Variants in PTPN21 observed in about 807,000 individuals in gnomAD.
PTPN21 encodes tyrosine-protein phosphatase non-receptor type 21.
A neutral mutation model predicts 131.8 loss-of-function variants in PTPN21; 77 were observed. The observed-to-expected ratio is 0.58, with a 90% CI of 0.49 to 0.71. PTPN21 has a LOEUF of 0.71. PTPN21 is among the 30% of genes least tolerant of loss of function. The pLI is 0.00. For synonymous variants in PTPN21, 715 were observed against 621.3 expected (o/e 1.15, Z -2.24); for missense variants, 1,552 against 1,527.1 (o/e 1.02, Z -0.27).
chr14:88,478,906 G>A lies in PTPN21; in HGVS notation c.2511+14C>T, dbSNP rs373291976. On this transcript the variant is annotated intron_variant, in intron 13 of 18. Coordinates refer to ENST00000556564, the MANE Select transcript of PTPN21 (RefSeq NM_007039.4). Reference sequence around the variant, plus strand: ...GCGGTCCCCTGGCCCGGCACTGCTCGCCGCGTGGCTTACCCCTAGAGGCGG... The same window carrying A: ...GCGGTCCCCTGGCCCGGCACTGCTCACCGCGTGGCTTACCCCTAGAGGCGG... 2.8e-6 allele frequency: 4 copies of A among 1,453,308 alleles called. No individual in the cohort carries two copies. In the African/African-American group the frequency reaches 4.4e-5, roughly 16 times the overall value. The allele number at this position is 1,453,308 out of a possible 1,614,324, so 90.0% of individuals were successfully genotyped here. A position where few individuals can be genotyped will look rare whatever the true frequency, so the allele number is the denominator to read the frequency against.
chr14:88,514,128 C>T (rs2078226436), intron 3 of PTPN21: 1 of 152,204 alleles, frequency 6.6e-6, no homozygotes, highest in South Asian at 2.1e-4. Context: ...TTAGATCATA[C>T]TGTTAGAAGA....
At position 88,475,661 on chromosome 14, in the gene PTPN21, C is replaced by T. The variant is rs550905538; in HGVS notation, c.2512-1859G>A. On this transcript the variant is annotated intron_variant, in intron 13 of 18. Transcript: ENST00000556564. ...CAGGCTCTTGGAAGGAAGTTTTGAT[C>T]GGTGTTTGCCCATATCCATGGTGTA... is the stretch of plus-strand genomic sequence containing the variant. Among the ~76,000 whole-genome samples the T allele has an allele frequency of 4.6e-5, 7 of 152,312 alleles. No homozygotes were observed. The South Asian group carries it at 1.0e-3, about 23-fold the overall frequency.
intron 3 of PTPN21, among the ~76,000 whole-genome samples, chr14:88,512,058 A>G (rs925073861): frequency 1.3e-5 from 2 of 152,094 alleles, no homozygotes; most frequent in African/African-American, 4.8e-5. Context: ...ATTCTGAAAC[A>G]TATGTAGAGA....
chr14:88,521,892 A>T (rs942383718), intron 2 of PTPN21, among the ~76,000 whole-genome samples: 30 of 152,114 alleles, frequency 2.0e-4, no homozygotes, highest in African/African-American at 4.1e-4. Flanking sequence ...AATATAATTT[A>T]AAAAAATAAC....
chr14:88,545,443 GC>G (rs2078762470), intron 2 of PTPN21, among the ~76,000 whole-genome samples: 1 of 152,178 alleles, frequency 6.6e-6, no homozygotes, highest in Non-Finnish European at 1.5e-5. Context: ...CCCAGGCAGT[GC>G]CCATGCCCAG....
At chr14:88,483,363 G>C (rs1359962704) in intron 12 of PTPN21, among the ~76,000 whole-genome samples, 1 of 152,110 alleles carries the variant, frequency 6.6e-6, no homozygotes, top group Non-Finnish European at 1.5e-5. Context: ...GGACAGCCAG[G>C]TCCTGGAAGT....
chr14:88,517,853 ATATATATG>A (rs1397254797), intron 2 of PTPN21, among the ~76,000 whole-genome samples: 11 of 146,808 alleles, frequency 7.5e-5, no homozygotes, highest in African/African-American at 2.2e-4. Context: ...TATATATGGT[ATATATATG>A]TGTATATGTG....
intron 6 of PTPN21, among the ~76,000 whole-genome samples, chr14:88,502,190 T>C (rs2078019473): frequency 1.3e-5 from 2 of 152,120 alleles, no homozygotes; most frequent in East Asian, 1.9e-4. Flanking sequence ...CATCTTCCGA[T>C]GCTCCCCGCT....
intron 2 of PTPN21, among the ~76,000 whole-genome samples, chr14:88,539,405 A>G (rs949079963): frequency 5.3e-5 from 8 of 151,956 alleles, no homozygotes; most frequent in African/African-American, 1.9e-4. Flanking sequence ...ATGCACCACC[A>G]TGGCCAGCAA....
In PTPN21 at chr14:88,514,886, A is replaced by G. The variant is rs117134571; in HGVS notation, c.350+2206T>C. 2.6e-5 allele frequency: 4 copies of G among 152,298 alleles called. No homozygotes were observed. In the East Asian group the frequency reaches 7.7e-4, roughly 29 times the overall value. 9.4% of individuals were successfully genotyped at this position (152,298 alleles called of 1,614,324 possible). On this transcript the variant is annotated intron_variant, in intron 3 of 18. Transcript: ENST00000556564. ...GTGTACAATTTAGACACATATATAT[A>G]TCCATGAAACCATCACTATAAAATG...
rs369048974 is a variant in PTPN21, at chr14:88,548,383, G to A, written c.180+1855C>T. ...CTTCAGGCAGACCAGCTTCCTCTGC[G>A]TCTTTGGTCCTGTGCAGTTCTCTTT... is the stretch of plus-strand genomic sequence containing the variant. On this transcript the variant is annotated intron_variant, in intron 2 of 18. Transcript: ENST00000556564. Among the ~76,000 whole-genome samples the A allele has an allele frequency of 1.2e-4, 19 of 152,246 alleles. No individual in the cohort carries two copies. The East Asian group carries it at 1.5e-3, about 12-fold the overall frequency.
intron 2 of PTPN21, among the ~76,000 whole-genome samples, chr14:88,539,114 C>T (rs2078668470): frequency 6.6e-6 from 1 of 151,054 alleles, no homozygotes; most frequent in African/African-American, 2.4e-5. Context: ...GATGGAGTCT[C>T]ACTCTGTTGC....
chr14:88,479,796 C>A lies in PTPN21; in HGVS notation c.1635G>T (p.Ala545=), dbSNP rs1246631606. The change falls in exon 13 of 19, where the codon GCG becomes GCT. Residue 545 remains alanine, a synonymous_variant. Transcript: ENST00000556564. The part of the protein sequence containing the change: ...GAVSVPELTN[A]QLQAQDYPSP... ...ACGGGTAGTCCTGCGCCTGCAGCTG[C>A]GCATTGGTCAGCTCCGGCACGCTGA... The A allele has an allele frequency of 6.5e-7, 1 of 1,544,544 alleles. No individual in the cohort carries two copies. Among genetic ancestry groups the A allele is most frequent in the Non-Finnish European group, 8.7e-7 (1 of 1,151,540 alleles).
chr14:88,524,187 T>C (rs973108151), intron 2 of PTPN21, among the ~76,000 whole-genome samples: 1 of 152,138 alleles, frequency 6.6e-6, no homozygotes, highest in Non-Finnish European at 1.5e-5. Context: ...TGAAAAAGAA[T>C]AACAAAATTG....
chr14:88,485,505 C>G (rs1189154327), intron 11 of PTPN21, among the ~76,000 whole-genome samples: 1 of 151,924 alleles, frequency 6.6e-6, no homozygotes, highest in Non-Finnish European at 1.5e-5. Flanking sequence ...TTAAAGGCAT[C>G]TAGTATTTTA....
chr14:88,477,838 A>C (rs1039091982), intron 13 of PTPN21, among the ~76,000 whole-genome samples: 2 of 152,232 alleles, frequency 1.3e-5, no homozygotes, highest in African/African-American at 2.4e-5. Context: ...GACACACTTC[A>C]TGACAAGGCC....
intron 2 of PTPN21, among the ~76,000 whole-genome samples, chr14:88,531,788 A>T (rs2078558598): frequency 6.6e-6 from 1 of 152,162 alleles, no homozygotes; most frequent in Admixed American, 6.5e-5. Flanking sequence ...GAACCAAATG[A>T]AATTGAAACA....
At chr14:88,496,015 G>A (rs182014652) in intron 10 of PTPN21, among the ~76,000 whole-genome samples, 3 of 152,306 alleles carry the variant, frequency 2.0e-5, no homozygotes, top group African/African-American at 4.8e-5. Flanking sequence ...CAATATCACC[G>A]TGTGCTTTAT....
chr14:88,521,722 T>C (rs1175017557), intron 2 of PTPN21, among the ~76,000 whole-genome samples: 3 of 152,160 alleles, frequency 2.0e-5, no homozygotes, highest in Middle Eastern at 3.2e-3. Flanking sequence ...TATGTCATCA[T>C]TTTTAACCAA....
Sources: gnomAD v4.1 joint callset for allele counts (sites outside exome capture counted in the v4.1 genomes callset) on GRCh38, gnomAD v4.1.1 for gene constraint, MANE v1.5 for transcripts, NCBI Gene and HGNC (gene_info 2026-07-23, HGNC 2026-07-21) for gene names.